Variants in C5 observed in about 807,000 individuals in gnomAD.
C5 encodes C3 and PZP-like alpha-2-macroglobulin domain-containing protein 4.
In C5, 140 loss-of-function variants were observed where a neutral mutation model predicts 218.8. The ratio of observed to expected loss-of-function variants is 0.64; its 90% confidence interval spans 0.56 to 0.74. C5 has a LOEUF of 0.74. C5 is among the 30% of genes least tolerant of loss of function. The probability of loss-of-function intolerance (pLI) is 0.00; values close to 1 mark genes in which losing one functional copy is unlikely to be tolerated. For synonymous variants in C5, 614 were observed against 682.3 expected, an observed-to-expected ratio of 0.90 and a Z score of 1.56; for missense variants, 1,700 against 1,969.6, an observed-to-expected ratio of 0.86 and a Z score of 2.59.
At position 120,959,856 on chromosome 9, in the gene C5, T is replaced by A. The variant is rs1253311128; in HGVS notation, c.4678+392A>T. 2.0e-5 allele frequency among the ~76,000 whole-genome samples: 3 copies of A among 152,208 alleles called. No homozygotes were observed. The East Asian group carries it at 5.8e-4, about 29-fold the overall frequency. The stretch of plus-strand genomic sequence containing the variant: ...TTTATATTTTTACCCTGAAGATATT[T>A]TTTTAAAAACCAAGCCCCCTAAATC... On this transcript the variant is annotated intron_variant, in intron 38 of 40. Transcript: ENST00000223642.
At chr9:120,974,285 C>T (rs968861829) in intron 30 of C5, among the ~76,000 whole-genome samples, 2 of 152,202 alleles carry the variant, frequency 1.3e-5, no homozygotes, top group Admixed American at 1.3e-4. Flanking sequence ...CCAACTCCAA[C>T]CTGGCCACAG....
intron 28 of C5, among the ~76,000 whole-genome samples, chr9:120,978,163 C>A (rs1389923541): frequency 1.3e-5 from 2 of 152,090 alleles, no homozygotes; most frequent in African/African-American, 4.8e-5. Context: ...GTACATGCAG[C>A]ACTTTTCATA....
intron 36 of C5, among the ~76,000 whole-genome samples, chr9:120,962,067 C>T (rs891350113): frequency 1.3e-5 from 2 of 152,168 alleles, no homozygotes; most frequent in African/African-American, 4.8e-5. Flanking sequence ...AGTCATCTGT[C>T]TTGTGATCCA....
At chr9:120,979,969 T>C (rs2046979670) in intron 28 of C5, 114 bp downstream of exon 28, 2 of 864,330 alleles carry the variant, frequency 2.3e-6, no homozygotes, top group Admixed American at 3.6e-5. Context: ...GTTTGTTCCT[T>C]GAGGACAGGA....
At chr9:121,066,872 A>AC in the C5 span, among the ~76,000 whole-genome samples, 31 of 151,150 alleles carry the variant, frequency 2.1e-4, no homozygotes, top group East Asian at 1.4e-3. Context: ...GAAAAAAAAA[A>AC]AAAACAAAAA....
chr9:121,070,384 G>GATATATATATATATATAT, the C5 span, among the ~76,000 whole-genome samples: 4 of 72,900 alleles, frequency 5.5e-5, no homozygotes, highest in Non-Finnish European at 7.2e-5. Flanking sequence ...AAGGAAGGGT[G>GATATATATATATATATAT]ATATATATAT....
intron 1 of C5, among the ~76,000 whole-genome samples, chr9:121,049,706 A>G (rs145226805): frequency 1.6e-4 from 25 of 152,330 alleles, no homozygotes; most frequent in African/African-American, 5.8e-4. Flanking sequence ...CTTAAAATGC[A>G]TATTATCTCA....
At chr9:120,987,620 G>C (rs373272299) in intron 25 of C5, among the ~76,000 whole-genome samples, 51 of 127,002 alleles carry the variant, frequency 4.0e-4, no homozygotes, top group African/African-American at 1.4e-3. Context: ...CCTGGGAACA[G>C]AGCAAGACTC....
chr9:121,074,149 G>T, the C5 span, among the ~76,000 whole-genome samples: 2 of 152,190 alleles, frequency 1.3e-5, no homozygotes, highest in African/African-American at 4.8e-5. Context: ...TGCAGCCTCT[G>T]ATGGTAACAT....
intron 10 of C5, among the ~76,000 whole-genome samples, chr9:121,022,297 C>T (rs947093245): frequency 1.1e-5 from 1 of 89,156 alleles, no homozygotes; most frequent in Admixed American, 1.2e-4. Flanking sequence ...CCTCTCACTG[C>T]CATATATATA....
At chr9:121,006,268 T>C (rs1283078171) in intron 19 of C5, among the ~76,000 whole-genome samples, 5 of 152,222 alleles carry the variant, frequency 3.3e-5, no homozygotes, top group Non-Finnish European at 5.9e-5. Context: ...ACTTCATTTA[T>C]TCAACAAATA....
chr9:120,955,783 T>C (rs1009703393), intron 39 of C5, among the ~76,000 whole-genome samples: 6 of 152,066 alleles, frequency 3.9e-5, no homozygotes, highest in Admixed American at 3.9e-4. Context: ...TAGGGTATGG[T>C]TAGTAATAAT....
At chr9:121,070,585 G>A in the C5 span, among the ~76,000 whole-genome samples, 1 of 151,588 alleles carries the variant, frequency 6.6e-6, no homozygotes, top group Non-Finnish European at 1.5e-5. Context: ...CAACACGGAT[G>A]GAAATGGAAG....
intron 5 of C5, among the ~76,000 whole-genome samples, chr9:121,033,289 C>A (rs750289043): frequency 1.3e-5 from 2 of 151,996 alleles, no homozygotes; most frequent in Non-Finnish European, 2.9e-5. Flanking sequence ...TGCCAGCAAG[C>A]AAGTAAAGAA....
chr9:121,026,008 T>C (rs2131786624), intron 8 of C5: 1 of 157,956 alleles, frequency 6.3e-6, no homozygotes, highest in East Asian at 1.8e-4. Context: ...TGGGGTTAAG[T>C]CATATTATAT....
At chr9:121,070,540 A>T in the C5 span, among the ~76,000 whole-genome samples, 1 of 151,294 alleles carries the variant, frequency 6.6e-6, no homozygotes, top group Admixed American at 6.6e-5. Flanking sequence ...AATACTATTC[A>T]GCCATAAAAA....
chr9:120,983,406 C>T (rs1219170083), intron 25 of C5, among the ~76,000 whole-genome samples: 1 of 152,058 alleles, frequency 6.6e-6, no homozygotes, highest in Non-Finnish European at 1.5e-5. Flanking sequence ...TGGGTTCATC[C>T]CCCCATAACA....
At chr9:121,023,854 A>T (rs2131779643) in intron 9 of C5, among the ~76,000 whole-genome samples, 1 of 152,126 alleles carries the variant, frequency 6.6e-6, no homozygotes, top group South Asian at 2.1e-4. Context: ...ACTGTATTCA[A>T]GGGATTGAGG....
intron 1 of C5, 130 bp from the exon 2 acceptor site, chr9:121,046,513 A>G (rs759399434): frequency 7.4e-5 from 50 of 674,760 alleles, no homozygotes; most frequent in Admixed American, 3.2e-4. Flanking sequence ...AATGATACTA[A>G]TAAGTCAAAA....
Sources: allele counts gnomAD v4.1 joint callset (sites outside exome capture counted in the v4.1 genomes callset), GRCh38; gene constraint gnomAD v4.1.1; transcripts MANE v1.5; gene names NCBI Gene and HGNC (gene_info 2026-07-23, HGNC 2026-07-21).